MACROD2: variants seen among roughly 807,000 people sequenced by gnomAD.
MACROD2 encodes the protein ADP-ribose glycohydrolase MACROD2.
MACROD2 carries 36 observed loss-of-function variants against 70.4 expected under a neutral mutation model. The ratio of observed to expected loss-of-function variants is 0.51; its 90% CI spans 0.39 to 0.68. The LOEUF (loss-of-function observed/expected upper bound fraction) is 0.68, where lower values mean the gene tolerates loss of function less well. MACROD2 is among the 30% of genes least tolerant of loss of function. The pLI is 0.00. For missense variants in MACROD2, 496 were observed against 538.4 expected, an observed-to-expected ratio of 0.92 and a Z score of 0.78; for synonymous variants, 172 against 178.8, an observed-to-expected ratio of 0.96 and a Z score of 0.30.
At chr20:16,048,112 G>A (rs2067408998) in intron 17 of MACROD2, among the ~76,000 whole-genome samples, 2 of 152,102 alleles carry the variant, frequency 1.3e-5, no homozygotes, top group Admixed American at 6.6e-5. Flanking sequence ...GGTGTATGTG[G>A]CAAATGGAAA....
At chr20:14,543,912 CTCAAACTTG>C (rs1453506531) in intron 4 of MACROD2, among the ~76,000 whole-genome samples, 2 of 152,232 alleles carry the variant, frequency 1.3e-5, no homozygotes, top group East Asian at 3.9e-4. Context: ...AAGAATTTCC[CTCAAACTTG>C]TCCATATCAT....
intron 15 of MACROD2, among the ~76,000 whole-genome samples, chr20:16,015,095 G>A (rs967087084): frequency 6.6e-6 from 1 of 152,074 alleles, no homozygotes; most frequent in African/African-American, 2.4e-5. Flanking sequence ...TATATTGTTT[G>A]CCCTTAAAGA....
intron 6 of MACROD2, among the ~76,000 whole-genome samples, chr20:15,231,482 G>A (rs2076958608): frequency 6.6e-6 from 1 of 152,182 alleles, no homozygotes; most frequent in South Asian, 2.1e-4. Context: ...GATATGTAGA[G>A]AAGTTTCCAA....
intron 8 of MACROD2, among the ~76,000 whole-genome samples, chr20:15,748,895 G>C (rs148665842): frequency 1.3e-5 from 2 of 152,016 alleles, no homozygotes; most frequent in African/African-American, 2.4e-5. Context: ...TTTAATCTTC[G>C]TTCCACCATT....
intron 3 of MACROD2, among the ~76,000 whole-genome samples, chr20:14,307,453 A>G (rs1392034687): frequency 6.6e-6 from 1 of 152,136 alleles, no homozygotes; most frequent in Non-Finnish European, 1.5e-5. Flanking sequence ...TTCAAGTAAA[A>G]TTTTGGTAAA....
intron 8 of MACROD2, among the ~76,000 whole-genome samples, chr20:15,713,535 A>C (rs1220931786): frequency 9.1e-6 from 1 of 109,440 alleles, no homozygotes; most frequent in Non-Finnish European, 2.2e-5. Context: ...CCTCGATGGC[A>C]GGAGAGAGAG....
At chr20:15,624,409 G>A (rs999982935) in intron 8 of MACROD2, among the ~76,000 whole-genome samples, 6 of 152,260 alleles carry the variant, frequency 3.9e-5, no homozygotes, top group Admixed American at 1.3e-4. Flanking sequence ...ATCCAATCAA[G>A]TTGACACTTA....
At chr20:14,518,118 A>C (rs1428581166) in intron 4 of MACROD2, among the ~76,000 whole-genome samples, 2 of 147,308 alleles carry the variant, frequency 1.4e-5, no homozygotes, top group Non-Finnish European at 3.1e-5. Context: ...AACACTTTTA[A>C]AAATAAAGAT....
chr20:16,019,714 C>T (rs1242433972), intron 15 of MACROD2, among the ~76,000 whole-genome samples: 4 of 152,122 alleles, frequency 2.6e-5, no homozygotes, highest in African/African-American at 9.7e-5. Flanking sequence ...ATTCTTAGGC[C>T]CACCACAAAC....
intron 3 of MACROD2, among the ~76,000 whole-genome samples, chr20:14,191,885 G>A (rs2081391244): frequency 6.7e-6 from 1 of 150,346 alleles, no homozygotes; most frequent in African/African-American, 2.4e-5. Flanking sequence ...ACTTTGCCCT[G>A]AATGAGATGA....
intron 4 of MACROD2, among the ~76,000 whole-genome samples, chr20:14,575,017 CAAAAAAAA>C (rs1195216470): frequency 6.0e-5 from 3 of 49,956 alleles, no homozygotes; most frequent in African/African-American, 1.5e-4. Context: ...GACTCTGTCT[CAAAAAAAA>C]AAAAAAAAAA....
At chr20:14,630,027 C>T (rs1984421624) in intron 4 of MACROD2, among the ~76,000 whole-genome samples, 1 of 151,674 alleles carries the variant, frequency 6.6e-6, no homozygotes, top group Non-Finnish European at 1.5e-5. Context: ...CACGACAACC[C>T]CATGAATTGG....
chr20:15,083,672 G>A (rs182298852), intron 5 of MACROD2, among the ~76,000 whole-genome samples: 2 of 151,926 alleles, frequency 1.3e-5, no homozygotes, highest in Non-Finnish European at 2.9e-5. Context: ...TTAGAGCAAA[G>A]CATGTAGCAC....
intron 8 of MACROD2, among the ~76,000 whole-genome samples, chr20:15,610,146 G>T (rs2048946865): frequency 6.6e-6 from 1 of 152,164 alleles, no homozygotes; most frequent in Admixed American, 6.5e-5. Context: ...AACATGAAGT[G>T]GGTAGATTGA....
intron 5 of MACROD2, among the ~76,000 whole-genome samples, chr20:15,013,573 G>T (rs1395388717): frequency 6.6e-6 from 1 of 152,114 alleles, no homozygotes; most frequent in Non-Finnish European, 1.5e-5. Flanking sequence ...ACTGATCAAA[G>T]TAGGGGTATA....
chr20:15,506,252 G>T (rs552681210), intron 8 of MACROD2, among the ~76,000 whole-genome samples: 1 of 152,178 alleles, frequency 6.6e-6, no homozygotes. Flanking sequence ...AGTTAGCCTT[G>T]TCACCCTCCC....
chr20:15,960,367 G>A lies in MACROD2; in HGVS notation c.908-7186G>A, dbSNP rs554126327. Among the ~76,000 whole-genome samples, 4 of 152,328 alleles carry A rather than the reference G, an allele frequency of 2.6e-5. No homozygotes were observed. In the East Asian group the frequency reaches 5.8e-4, roughly 22 times the overall value. ...TCCATAATTAAAGACAGCATGGTGT[G>A]AGAGAGCAGCAGGCTAGAAGTCAGG... is the stretch of plus-strand genomic sequence containing the variant. On this transcript the variant is annotated intron_variant, in intron 12 of 17. Coordinates refer to ENST00000684519, the MANE Select transcript of MACROD2 (RefSeq NM_001351661.2).
intron 3 of MACROD2, among the ~76,000 whole-genome samples, chr20:14,230,676 T>TC (rs2122203379): frequency 1.1e-5 from 1 of 92,580 alleles, no homozygotes; most frequent in Non-Finnish European, 1.9e-5. Flanking sequence ...GGCCTATATA[T>TC]ATATATATAT....
At chr20:14,178,006 A>C (rs2081276753) in intron 3 of MACROD2, among the ~76,000 whole-genome samples, 1 of 152,184 alleles carries the variant, frequency 6.6e-6, no homozygotes, top group African/African-American at 2.4e-5. Flanking sequence ...TAAATTTAAC[A>C]CATAAAACAT....
Sources: allele counts gnomAD v4.1 joint callset (sites outside exome capture counted in the v4.1 genomes callset), GRCh38; gene constraint gnomAD v4.1.1; transcripts MANE v1.5; gene names NCBI Gene and HGNC (gene_info 2026-07-23, HGNC 2026-07-21).